PXDC1: variants seen among roughly 807,000 people sequenced by gnomAD.
The protein encoded by PXDC1 is PX domain-containing protein 1.
In PXDC1, 13 loss-of-function variants were observed where a neutral mutation model predicts 24.4. The ratio of observed to expected loss-of-function variants is 0.53; its 90% CI spans 0.35 to 0.85. The LOEUF is 0.85. Among genes scored for constraint, PXDC1 ranks in the 40% least tolerant of loss-of-function variants. PXDC1 has a pLI of 0.01. For synonymous variants in PXDC1, 162 were observed against 124.9 expected (o/e 1.30, Z -1.98); for missense variants, 344 against 309.3 (o/e 1.11, Z -0.84).
intron 1 of PXDC1, among the ~76,000 whole-genome samples, chr6:3,740,365 T>A (rs1338652166): frequency 6.6e-6 from 1 of 152,204 alleles, no homozygotes; most frequent in East Asian, 1.9e-4. Flanking sequence ...ATAAGACACG[T>A]GATGCCTAAT....
chr6:3,735,685 C>T (rs1174459632), intron 3 of PXDC1, among the ~76,000 whole-genome samples: 1 of 152,196 alleles, frequency 6.6e-6, no homozygotes, highest in East Asian at 1.9e-4. Flanking sequence ...TGCTGTACTA[C>T]TGCACAGTAA....
rs926988385 is a variant in PXDC1 at position 3,724,454 on chromosome 6, T to C, written c.579-718A>G. ...CCCTCTGCAGCCCAGGCAGACTTCC[T>C]ACGTTAAGAAAAGAGACTCCAGGTC... On this transcript the variant is annotated intron_variant, in intron 4 of 4. Coordinates refer to ENST00000380283, the MANE Select transcript of PXDC1 (RefSeq NM_183373.4). The surrounding 1 kb of genome is among the most constrained non-coding windows in gnomAD (Gnocchi z 4.5). Among the ~76,000 whole-genome samples, 1 of 152,136 alleles carries C rather than the reference T, an allele frequency of 6.6e-6. No homozygotes were observed. Among genetic ancestry groups the C allele is most frequent in the Non-Finnish European group, 1.5e-5 (1 of 68,012 alleles).
At chr6:3,731,770 T>C (rs1760202610) in intron 3 of PXDC1, among the ~76,000 whole-genome samples, 1 of 152,240 alleles carries the variant, frequency 6.6e-6, no homozygotes, top group South Asian at 2.1e-4. Context: ...AGGACTGAGC[T>C]ATTTTAGCAA....
At chr6:3,732,377 T>C (rs1173012933) in intron 3 of PXDC1, among the ~76,000 whole-genome samples, 1 of 152,176 alleles carries the variant, frequency 6.6e-6, no homozygotes, top group Non-Finnish European at 1.5e-5. Flanking sequence ...TACCCCTACA[T>C]AGTGAAACTA....
Position 3,723,528 on chromosome 6 carries a change from G to C in PXDC1, c.*91C>G, listed in dbSNP as rs1759987116. The C allele has an allele frequency of 6.1e-6, 6 of 989,790 alleles. No individual in the cohort carries two copies. The highest frequency in any genetic ancestry group is 9.6e-6 in the Non-Finnish European group (6 of 627,576). The allele number at this position is 989,790 out of a possible 1,614,324, so 61.3% of individuals were successfully genotyped here. ...GGGACGTCTGGGAGTTCCAGAGCTGGGGCAGCAGCTGTGACCATGGGGGCC... is the reference window on the plus strand; with the variant it reads ...GGGACGTCTGGGAGTTCCAGAGCTGCGGCAGCAGCTGTGACCATGGGGGCC... On this transcript the variant is annotated 3_prime_UTR_variant, in exon 5 of 5. Transcript: ENST00000380283.
intron 1 of PXDC1, among the ~76,000 whole-genome samples, chr6:3,750,093 G>A (rs1025945135): frequency 6.6e-6 from 1 of 152,246 alleles, no homozygotes; most frequent in African/African-American, 2.4e-5. Context: ...GCCCCAACTC[G>A]CTGGCTGTGG....
intron 1 of PXDC1, among the ~76,000 whole-genome samples, chr6:3,743,947 A>T (rs1760506538): frequency 6.6e-6 from 1 of 152,016 alleles, no homozygotes; most frequent in Non-Finnish European, 1.5e-5. Flanking sequence ...AAAACAGAAC[A>T]CCCGGAGGAC....
chr6:3,747,215 C>A (rs1760590549), intron 1 of PXDC1, among the ~76,000 whole-genome samples: 1 of 152,030 alleles, frequency 6.6e-6, no homozygotes, highest in Non-Finnish European at 1.5e-5. Context: ...AGGCTGAAAA[C>A]TCTGGGGTCA....
chr6:3,751,477 A>C lies in PXDC1; in HGVS notation c.55T>G (p.Cys19Gly). ...TSLVNMFVRG[C>G]WVNGIRRLIV... The stretch of plus-strand genomic sequence containing the variant: ...AGCCTGCGGATGCCGTTCACCCAGC[A>C]GCCGCGCACGAACATGTTCACGAGC... The change falls in exon 1 of 5, where the codon TGC (cysteine) becomes GGC (glycine). Residue 19 changes from cysteine to glycine, a missense_variant. Cys to Gly is a radical substitution (Grantham distance 159). Transcript: ENST00000380283. 6.2e-7 allele frequency: 1 copy of C among 1,604,500 alleles called. No individual in the cohort carries two copies. Among genetic ancestry groups the C allele is most frequent in the South Asian group, 1.1e-5 (1 of 89,356 alleles).
At chr6:3,727,742 C>G (rs1023644120) in intron 3 of PXDC1, 80 bp from the exon 4 acceptor site, 88 of 877,878 alleles carry the variant, frequency 1.0e-4, no homozygotes, top group Non-Finnish European at 1.6e-4. Context: ...ACTCCCATCT[C>G]CCTGCTTTCT....
intron 3 of PXDC1, 145 bp from the exon 4 acceptor site, chr6:3,727,807 C>G (rs892171807): frequency 1.6e-6 from 1 of 615,632 alleles, no homozygotes; most frequent in African/African-American, 1.8e-5. Flanking sequence ...GCCGTGCACC[C>G]GAGACCCATT....
rs1160005740 is a variant in PXDC1 at position 3,727,602 on chromosome 6, C to G, written c.527G>C (p.Ser176Thr). ...CTGCTGGTCTCTTCCATTTGGTATA[C>G]TGTGGTCAATAACTATTGTTTCGGT... ...ANTETIVIDH[S>T]IPNGRDQQLG... The change falls in exon 4 of 5, where the codon AGT becomes ACT. Residue 176 changes from serine to threonine, a missense_variant. Ser to Thr is a moderately conservative substitution (Grantham distance 58, BLOSUM62 1). Coordinates refer to ENST00000380283, the MANE Select transcript of PXDC1 (RefSeq NM_183373.4). 1 of 1,613,826 alleles carries G rather than the reference C, an allele frequency of 6.2e-7. No homozygotes were observed. Among genetic ancestry groups the G allele is most frequent in the African/African-American group, 1.3e-5 (1 of 74,942 alleles).
At chr6:3,750,411 C>T (rs1055837505) in intron 1 of PXDC1, among the ~76,000 whole-genome samples, 5 of 152,192 alleles carry the variant, frequency 3.3e-5, no homozygotes, top group African/African-American at 1.2e-4. Context: ...TCTTCCCGCC[C>T]CTTCTCCCCT....
rs1035421426 is a variant in PXDC1, at chr6:3,738,807, G to A, written c.257-659C>T. On this transcript the variant is annotated intron_variant, in intron 1 of 4. Coordinates refer to ENST00000380283, the MANE Select transcript of PXDC1 (RefSeq NM_183373.4). ...TATTTTTAAAATACCATAGCTCGAG[G>A]CATGAAGGCTCGGGTGCTTTTCTAT... is the stretch of plus-strand genomic sequence containing the variant. 10 of 1,302,992 alleles carry A rather than the reference G, an allele frequency of 7.7e-6. 1 individual carries two copies. The highest frequency in any genetic ancestry group is 1.5e-5 in the African/African-American group (1 of 65,840). 80.7% of individuals were successfully genotyped at this position (1,302,992 alleles called of 1,614,324 possible).
chr6:3,731,866 C>T (rs550678206), intron 3 of PXDC1, among the ~76,000 whole-genome samples: 1 of 152,304 alleles, frequency 6.6e-6, no homozygotes, highest in East Asian at 1.9e-4. Context: ...CACAGTGACG[C>T]TGCATGAGAC....
chr6:3,735,359 A>T (rs1760290614), intron 3 of PXDC1, among the ~76,000 whole-genome samples: 1 of 152,260 alleles, frequency 6.6e-6, no homozygotes, highest in East Asian at 1.9e-4. Flanking sequence ...GGAAACCACC[A>T]AAGTGTCTAG....
At chr6:3,738,940 C>G (rs1170807697) in intron 1 of PXDC1, 1 of 1,301,198 alleles carries the variant, frequency 7.7e-7, no homozygotes. Flanking sequence ...CTCCCCCACA[C>G]TTGTGTGACC....
chr6:3,726,794 C>T (rs1760078302), intron 4 of PXDC1, among the ~76,000 whole-genome samples: 1 of 152,246 alleles, frequency 6.6e-6, no homozygotes, highest in Admixed American at 6.5e-5. Flanking sequence ...TCCAGAGCTG[C>T]CTCTGTGGGA....
intron 3 of PXDC1, among the ~76,000 whole-genome samples, chr6:3,731,242 G>A (rs537195173): frequency 1.1e-4 from 16 of 152,302 alleles, no homozygotes; most frequent in East Asian, 7.7e-4. Context: ...CCAAACAGCC[G>A]TATCAAGGCT....
Sources: gnomAD v4.1 joint callset for allele counts (sites outside exome capture counted in the v4.1 genomes callset) on GRCh38, gnomAD v4.1.1 for gene constraint, Gnocchi (gnomAD v3.1) non-coding constraint, MANE v1.5 for transcripts, NCBI Gene and HGNC (gene_info 2026-07-23, HGNC 2026-07-21) for gene names.